PACRG: variants seen among roughly 807,000 people sequenced by gnomAD.
PACRG encodes parkin coregulated.
PACRG carries 29 observed loss-of-function variants against 29.7 expected under a neutral mutation model. The ratio of observed to expected loss-of-function variants is 0.98; its 90% confidence interval spans 0.73 to 1.33. The LOEUF (loss-of-function observed/expected upper bound fraction) is 1.33, where lower values mean the gene tolerates loss of function less well. PACRG is among the 40% of genes most tolerant of loss of function. The pLI, the probability that PACRG is intolerant of heterozygous loss-of-function variation, is 0.00. For missense variants in PACRG, 279 were observed against 316.2 expected (o/e 0.88, Z 0.89); for synonymous variants, 116 against 118.7 (o/e 0.98, Z 0.15).
intron 1 of PACRG, among the ~76,000 whole-genome samples, chr6:162,787,557 A>G (rs1482561825): frequency 5.2e-5 from 3 of 57,446 alleles, no homozygotes; most frequent in African/African-American, 7.5e-5. Context: ...ATATATGGTT[A>G]TTGTGTGTGT....
At chr6:163,059,190 TC>T (rs1292219485) in intron 2 of PACRG, among the ~76,000 whole-genome samples, 1 of 152,230 alleles carries the variant, frequency 6.6e-6, no homozygotes, top group Non-Finnish European at 1.5e-5. Context: ...AGAGATAATT[TC>T]TTTTCTCTTT....
intron 4 of PACRG, among the ~76,000 whole-genome samples, chr6:163,127,333 C>T (rs762341189): frequency 9.9e-5 from 15 of 152,236 alleles, no homozygotes; most frequent in South Asian, 2.1e-4. Context: ...CCTATTCCTG[C>T]TTAAGCCTTT....
At chr6:163,172,503 T>C (rs1779136410) in intron 4 of PACRG, among the ~76,000 whole-genome samples, 1 of 152,222 alleles carries the variant, frequency 6.6e-6, no homozygotes, top group Non-Finnish European at 1.5e-5. Context: ...CACGCATGCA[T>C]GCACGCACAC....
intron 2 of PACRG, among the ~76,000 whole-genome samples, chr6:163,052,715 T>C (rs1368010768): frequency 2.6e-5 from 4 of 152,222 alleles, no homozygotes; most frequent in Non-Finnish European, 5.9e-5. Context: ...TGTTTCTTTA[T>C]AGTAATGTGA....
intron 4 of PACRG, among the ~76,000 whole-genome samples, chr6:163,188,084 T>C (rs1430862416): frequency 6.6e-6 from 1 of 152,230 alleles, no homozygotes; most frequent in Non-Finnish European, 1.5e-5. Flanking sequence ...GTTGGAGTTG[T>C]GTGGGTTTAT....
chr6:163,213,304 A>AG (rs1554229336), intron 4 of PACRG, among the ~76,000 whole-genome samples: 1 of 112,974 alleles, frequency 8.9e-6, no homozygotes, highest in Non-Finnish European at 1.9e-5. Flanking sequence ...ATGAAAGTCA[A>AG]GGAAAAAAAA....
intron 2 of PACRG, among the ~76,000 whole-genome samples, chr6:162,848,093 G>C (rs987959390): frequency 2.0e-5 from 3 of 152,274 alleles, no homozygotes; most frequent in African/African-American, 7.2e-5. Flanking sequence ...TGCAGCGGCA[G>C]AGTTATCACC....
At chr6:163,293,696 G>A (rs1784690826) in intron 4 of PACRG, among the ~76,000 whole-genome samples, 3 of 152,262 alleles carry the variant, frequency 2.0e-5, no homozygotes, top group Middle Eastern at 3.4e-3. Flanking sequence ...GAAGGTCCAC[G>A]TTACCATTAG....
At chr6:162,944,745 G>A (rs1421613196) in intron 2 of PACRG, among the ~76,000 whole-genome samples, 1 of 151,850 alleles carries the variant, frequency 6.6e-6, no homozygotes, top group Non-Finnish European at 1.5e-5. Flanking sequence ...TCAAAATCGG[G>A]AGACAGGTCT....
chr6:162,957,277 AT>A, intron 2 of PACRG: 1 of 539,634 alleles, frequency 1.9e-6, no homozygotes, highest in Non-Finnish European at 3.5e-6. Flanking sequence ...TTTCACAATG[AT>A]TTTCTGCTCC....
intron 4 of PACRG, among the ~76,000 whole-genome samples, chr6:163,171,297 A>T (rs1407079908): frequency 6.6e-6 from 1 of 152,220 alleles, no homozygotes; most frequent in Non-Finnish European, 1.5e-5. Flanking sequence ...CAAAGGGGGA[A>T]GTCCCAAGAG....
intron 2 of PACRG, among the ~76,000 whole-genome samples, chr6:162,835,010 T>C (rs193253164): frequency 6.6e-6 from 1 of 152,130 alleles, no homozygotes; most frequent in Non-Finnish European, 1.5e-5. Context: ...TTTATTATTC[T>C]ACTTGGCCTC....
Position 162,910,564 on chromosome 6 carries a change from A to C in PACRG, c.291+96283A>C, listed in dbSNP as rs540160508. On this transcript the variant is annotated intron_variant, in intron 2 of 4. Transcript: ENST00000366888. ...ACATTTTCATTTGAATTGAAAAAAA[A>C]CCACAAAAACCATTATATTAAACCT... is the stretch of plus-strand genomic sequence containing the variant. 1.6e-4 allele frequency among the ~76,000 whole-genome samples: 24 copies of C among 152,334 alleles called. No individual in the cohort carries two copies. In the East Asian group the frequency reaches 1.7e-3, roughly 11 times the overall value.
intron 4 of PACRG, among the ~76,000 whole-genome samples, chr6:163,118,890 T>C (rs1816137231): frequency 6.6e-6 from 1 of 152,204 alleles, no homozygotes; most frequent in Admixed American, 6.5e-5. Context: ...GACCCTTGCA[T>C]AGAGACTCGG....
chr6:162,885,436 G>C (rs1794251336), intron 2 of PACRG, among the ~76,000 whole-genome samples: 2 of 151,728 alleles, frequency 1.3e-5, no homozygotes, highest in Non-Finnish European at 1.5e-5. Flanking sequence ...CACCTGGATA[G>C]TTTTTGTATT....
intron 2 of PACRG, among the ~76,000 whole-genome samples, chr6:162,913,752 A>G (rs1027460651): frequency 2.6e-5 from 4 of 152,178 alleles, no homozygotes; most frequent in Non-Finnish European, 4.4e-5. Flanking sequence ...AATTTCAGCC[A>G]GTCTAATGGA....
At chr6:162,944,622 A>G (rs1798868260) in intron 2 of PACRG, among the ~76,000 whole-genome samples, 1 of 152,178 alleles carries the variant, frequency 6.6e-6, no homozygotes, top group Non-Finnish European at 1.5e-5. Flanking sequence ...AAAGAGATAG[A>G]TATTATAAAA....
intron 4 of PACRG, chr6:163,090,209 C>T (rs1227482832): frequency 6.6e-6 from 1 of 152,168 alleles, no homozygotes; most frequent in Admixed American, 6.5e-5. Context: ...GCTGAGTTTA[C>T]AGCAGCTCCT....
In PACRG at chr6:163,242,569, G is replaced by A. The variant is rs1782545019; in HGVS notation, c.614-72258G>A. 2.0e-5 allele frequency among the ~76,000 whole-genome samples: 3 copies of A among 152,172 alleles called. No homozygotes were observed. The South Asian group carries it at 6.2e-4, about 31-fold the overall frequency. On this transcript the variant is annotated intron_variant, in intron 4 of 4. Transcript: ENST00000366888. ...TGAGAGACAGCATTTCTAGCACCAG[G>A]CACAGAAGGGTGATGGGATAATATC...
Sources: allele counts gnomAD v4.1 joint callset (sites outside exome capture counted in the v4.1 genomes callset), GRCh38; gene constraint gnomAD v4.1.1; transcripts MANE v1.5; gene names NCBI Gene and HGNC (gene_info 2026-07-23, HGNC 2026-07-21).